The following ADAMTS17 variants were observed in gnomAD, a reference collection of about 807,000 sequenced individuals.
The protein encoded by ADAMTS17 is ADAM metallopeptidase with thrombospondin type 1 motif 17.
In ADAMTS17, 113 loss-of-function variants were observed where a neutral mutation model predicts 141.5. That is an observed-to-expected ratio of 0.80 (90% CI 0.69 to 0.93). The LOEUF (loss-of-function observed/expected upper bound fraction) is 0.93, where lower values mean the gene tolerates loss of function less well. Among genes scored for constraint, ADAMTS17 ranks in the 40% least tolerant of loss-of-function variants. The pLI is 0.00. For missense variants in ADAMTS17, 1,659 were observed against 1,517.9 expected, an observed-to-expected ratio of 1.09 and a Z score of -1.54; for synonymous variants, 768 against 630.6, an observed-to-expected ratio of 1.22 and a Z score of -3.27.
At chr15:100,271,751 C>A (rs553272524) in intron 4 of ADAMTS17, among the ~76,000 whole-genome samples, 1 of 152,232 alleles carries the variant, frequency 6.6e-6, no homozygotes. Context: ...TCCAATTTGT[C>A]TATTTTTCCT....
intron 15 of ADAMTS17, among the ~76,000 whole-genome samples, chr15:100,080,665 G>A (rs1440258419): frequency 6.6e-6 from 1 of 152,176 alleles, no homozygotes; most frequent in Non-Finnish European, 1.5e-5. Context: ...CTGCAGAAAT[G>A]AAGTCTGTAA....
intron 3 of ADAMTS17, among the ~76,000 whole-genome samples, chr15:100,312,569 T>C (rs2141865625): frequency 6.6e-6 from 1 of 152,358 alleles, no homozygotes; most frequent in South Asian, 2.1e-4. Flanking sequence ...TGCCTGAGTC[T>C]TGCCTTCCTG....
At chr15:99,995,286 T>C (rs2060776974) in intron 19 of ADAMTS17, among the ~76,000 whole-genome samples, 2 of 152,252 alleles carry the variant, frequency 1.3e-5, no homozygotes, top group South Asian at 4.1e-4. Context: ...CAGGAACCCA[T>C]GCACCATTTC....
intron 4 of ADAMTS17, among the ~76,000 whole-genome samples, chr15:100,265,460 G>A (rs2043679142): frequency 6.6e-6 from 1 of 152,248 alleles, no homozygotes; most frequent in Non-Finnish European, 1.5e-5. Context: ...ATCCCAGCAA[G>A]TGTTCAGTCC....
rs1261362746 is a variant in ADAMTS17, at chr15:99,997,416, A to G, written c.2765T>C (p.Leu922Pro). ...CCACTCAGACGCCTCCCAGATGGACAGGCAGTCCTGGCCTTCACAGCTCTG... is the reference window on the plus strand; with the variant it reads ...CCACTCAGACGCCTCCCAGATGGACGGGCAGTCCTGGCCTTCACAGCTCTG... ...AVQSCEGQDC[L>P]SIWEASEWSQ... is the part of the protein sequence containing the mutation. Residue 922 changes from leucine to proline, a missense_variant, in exon 19 of 22, where the codon CTG (leucine) becomes CCG (proline). Physicochemically the swap from Leu to Pro is moderately conservative, Grantham distance 98. Coordinates refer to ENST00000268070, the MANE Select transcript of ADAMTS17 (RefSeq NM_139057.4). This position sits in a 1 kb window ranked among gnomAD's most constrained non-coding sequence, Gnocchi z 4.7. 2 of 1,613,738 alleles carry G rather than the reference A, an allele frequency of 1.2e-6. No homozygotes were observed. Among genetic ancestry groups the G allele is most frequent in the Admixed American group, 1.7e-5 (1 of 60,024 alleles).
chr15:99,990,027 G>A (rs1596168055), intron 20 of ADAMTS17, among the ~76,000 whole-genome samples: 1 of 152,210 alleles, frequency 6.6e-6, no homozygotes, highest in Non-Finnish European at 1.5e-5. Flanking sequence ...TCTATTGTGT[G>A]AGTTCAAGTT....
At position 100,209,747 on chromosome 15, in the gene ADAMTS17, G is replaced by C. The variant is rs117506109; in HGVS notation, c.1076-10324C>G. 1.1e-3 allele frequency among the ~76,000 whole-genome samples: 175 copies of C among 152,226 alleles called. 1 individual carries two copies. The East Asian group carries it at 0.03, about 26-fold the overall frequency. ...GAAGATGGCCAGCCTCAGAATCATCGCCAGCGTGGCAGAAAGTGGATGGTA... is the reference window on the plus strand; with the variant it reads ...GAAGATGGCCAGCCTCAGAATCATCCCCAGCGTGGCAGAAAGTGGATGGTA... On this transcript the variant is annotated intron_variant, in intron 7 of 21. Coordinates refer to ENST00000268070, the MANE Select transcript of ADAMTS17 (RefSeq NM_139057.4).
At chr15:100,154,699 G>A (rs2039346412) in intron 9 of ADAMTS17, among the ~76,000 whole-genome samples, 1 of 152,136 alleles carries the variant, frequency 6.6e-6, no homozygotes, top group Admixed American at 6.5e-5. Flanking sequence ...GACACCTTCT[G>A]GGAAGAAAGT....
chr15:100,233,290 A>G (rs923721715), intron 7 of ADAMTS17, among the ~76,000 whole-genome samples: 1 of 150,960 alleles, frequency 6.6e-6, no homozygotes, highest in African/African-American at 2.5e-5. Context: ...AGATTGCGCT[A>G]TGGCACTCCA....
chr15:100,108,893 G>A (rs2036569328), intron 14 of ADAMTS17, 96 bp downstream of exon 14: 1 of 1,600,970 alleles, frequency 6.2e-7, no homozygotes, highest in Non-Finnish European at 8.5e-7. Flanking sequence ...CACTCCCCTA[G>A]GCCTCCTGAG....
intron 7 of ADAMTS17, among the ~76,000 whole-genome samples, chr15:100,248,952 C>T (rs993818765): frequency 2.0e-5 from 3 of 152,122 alleles, no homozygotes; most frequent in African/African-American, 7.2e-5. Flanking sequence ...GTGCCCGCCA[C>T]CACGCCTGGC....
At chr15:100,271,892 T>C (rs1265435899) in intron 4 of ADAMTS17, among the ~76,000 whole-genome samples, 1 of 152,196 alleles carries the variant, frequency 6.6e-6, no homozygotes. Flanking sequence ...TGAGTTAATT[T>C]TTGTATGTTA....
chr15:100,091,546 C>G (rs1405144878), intron 15 of ADAMTS17, among the ~76,000 whole-genome samples: 2 of 152,196 alleles, frequency 1.3e-5, no homozygotes, highest in African/African-American at 2.4e-5. Flanking sequence ...TAACCTGTCT[C>G]AAATCTTCCA....
chr15:100,306,275 T>A (rs2045222183), intron 3 of ADAMTS17: 1 of 343,680 alleles, frequency 2.9e-6, no homozygotes, highest in African/African-American at 2.1e-5. Flanking sequence ...TTCTAACCGC[T>A]TCAGCCAACA....
chr15:100,254,034 C>T, intron 7 of ADAMTS17, 102 bp downstream of exon 7: 1 of 1,076,608 alleles, frequency 9.3e-7, no homozygotes, highest in Non-Finnish European at 1.4e-6. Context: ...ACAGAATGTG[C>T]AGTGCTTGTT....
intron 3 of ADAMTS17, among the ~76,000 whole-genome samples, chr15:100,297,969 C>T (rs1378168475): frequency 6.6e-6 from 1 of 151,914 alleles, no homozygotes; most frequent in African/African-American, 2.4e-5. Flanking sequence ...GTGGCGTCTC[C>T]AACACAGCAG....
intron 10 of ADAMTS17, 73 bp from the exon 11 acceptor site, chr15:100,133,388 GT>G: frequency 1.4e-6 from 2 of 1,437,808 alleles, no homozygotes; most frequent in Non-Finnish European, 1.9e-6. Flanking sequence ...GGTCAGAGGT[GT>G]GGCCCAACCA....
At chr15:100,331,097 C>T (rs774014205) in intron 2 of ADAMTS17, 43 bp from the exon 3 acceptor site, 3 of 1,612,214 alleles carry the variant, frequency 1.9e-6, no homozygotes, top group African/African-American at 2.7e-5. Context: ...GTCATCCTCA[C>T]TCACACACGC....
At chr15:100,045,143 A>AGT (rs2031585585) in intron 18 of ADAMTS17, among the ~76,000 whole-genome samples, 1 of 132,026 alleles carries the variant, frequency 7.6e-6, no homozygotes, top group African/African-American at 4.3e-5. Flanking sequence ...ACATTAAAAT[A>AGT]ACCTCAAATT....
Sources: allele counts gnomAD v4.1 joint callset (sites outside exome capture counted in the v4.1 genomes callset), GRCh38; gene constraint gnomAD v4.1.1; non-coding constraint Gnocchi (gnomAD v3.1); transcripts MANE v1.5; gene names NCBI Gene and HGNC (gene_info 2026-07-23, HGNC 2026-07-21).